Variants in FAAP100 observed in about 807,000 individuals in gnomAD.
FAAP100 encodes the protein Fanconi anemia core complex-associated protein 100.
In FAAP100, 46 loss-of-function variants were observed where a neutral mutation model predicts 65.8. That is an observed-to-expected ratio of 0.70 (90% CI 0.55 to 0.89). The LOEUF is 0.89. FAAP100 is among the 40% of genes least tolerant of loss of function. FAAP100 has a pLI of 0.00. For missense variants in FAAP100, 1,165 were observed against 1,196.7 expected (o/e 0.97, Z 0.39); for synonymous variants, 663 against 555.1 (o/e 1.19, Z -2.73).
chr17:81,541,430 GC>G (rs1568089869), intron 7 of FAAP100, 35 bp from the exon 8 acceptor site: 3 of 1,549,272 alleles, frequency 1.9e-6, no homozygotes, highest in African/African-American at 1.4e-5. Flanking sequence ...GAGAGGGTGT[GC>G]CCCAGCACCT....
rs2033322215 is a variant in FAAP100, at chr17:81,546,949, C to T, written c.2133G>A (p.Ser711=). 2.7e-6 allele frequency: 4 copies of T among 1,460,790 alleles called. No homozygotes were observed. Among genetic ancestry groups the T allele is most frequent in the South Asian group, 1.4e-5 (1 of 69,092 alleles). The allele number at this position is 1,460,790 out of a possible 1,614,324, so 90.5% of individuals were successfully genotyped here. Reference sequence around the variant, plus strand: ...TCAAGGCAGCTCTGAGCAGCTCCGCCGACACCTTGATGGAAGCCACAGATG... The same window carrying T: ...TCAAGGCAGCTCTGAGCAGCTCCGCTGACACCTTGATGGAAGCCACAGATG... ...LPPSVASIKV[S]AELLRAALKD... The change falls in exon 5 of 9, where the codon TCG becomes TCA. Residue 711 remains serine (S), a synonymous_variant. Coordinates refer to ENST00000327787, the MANE Select transcript of FAAP100 (RefSeq NM_025161.6).
At chr17:81,548,226 T>C (rs1445270671) in intron 4 of FAAP100, 1 of 568,550 alleles carries the variant, frequency 1.8e-6, no homozygotes, top group Non-Finnish European at 3.1e-6. Flanking sequence ...ACTCAGTGTG[T>C]TCTCTCTGAA....
chr17:81,549,171 GC>G, intron 4 of FAAP100, 34 bp downstream of exon 4: 1 of 1,589,828 alleles, frequency 6.3e-7, no homozygotes. Flanking sequence ...GGATGGCAGC[GC>G]CAGCCTCTAC....
chr17:81,550,722 G>A lies in FAAP100; in HGVS notation c.772C>T (p.Leu258=). 6.2e-7 allele frequency: 1 copy of A among 1,612,798 alleles called. No individual in the cohort carries two copies. The highest frequency in any genetic ancestry group is 8.5e-7 in the Non-Finnish European group (1 of 1,179,880). Residue 258 remains leucine (L), a synonymous_variant, in exon 3 of 9, where the codon CTG becomes TTG. Transcript: ENST00000327787. The stretch of plus-strand genomic sequence containing the variant: ...CCAGGGGCTGACCTGGAGGTGACCA[G>A]GGCCTTCAGGATCACACAGCAGAGC... ...GQLCCVILKA[L]VTSRSAPGDP...
In FAAP100 at chr17:81,550,197, A is replaced by G. The variant is rs1282797179; in HGVS notation, c.1246+51T>C. 13 of 1,493,178 alleles carry G rather than the reference A, an allele frequency of 8.7e-6. No homozygotes were observed. The South Asian group carries it at 1.4e-4, about 16-fold the overall frequency. The allele number at this position is 1,493,178 out of a possible 1,614,324, so 92.5% of individuals were successfully genotyped here. A position where few individuals can be genotyped will look rare whatever the true frequency, so the allele number is the denominator to read the frequency against. ...GCCTGATAGTAGCAGACAGCCAAAA[A>G]GGGTGCTCCACCCTGGGCTCCCATC... On this transcript the variant is annotated intron_variant, in intron 3 of 8. Transcript: ENST00000327787.
intron 4 of FAAP100, 127 bp from the exon 5 acceptor site, chr17:81,547,805 C>CACCGGTGGGTGTGGA: frequency 8.1e-7 from 1 of 1,228,728 alleles, no homozygotes; most frequent in Non-Finnish European, 1.2e-6. Flanking sequence ...TGTGGAGCCA[C>CACCGGTGGGTGTGGA]GCCAGAGAGT....
Position 81,544,099 on chromosome 17 carries a change from G to A in FAAP100, c.2332C>T (p.Pro778Ser), listed in dbSNP as rs749796268. ...VREVAMTDLC[P>S]AGPIQAVEIQ... is the part of the protein sequence containing the mutation. ...TCCACGGCCTGGATGGGCCCTGCTG[G>A]GCACAGGTCAGTCATGGCCACCTGC... Residue 778 changes from proline (P) to serine (S), a missense_variant, in exon 7 of 9, where the codon CCA becomes TCA. Transcript: ENST00000327787. 1.2e-5 allele frequency: 20 copies of A among 1,612,346 alleles called. No individual in the cohort carries two copies. In the South Asian group the frequency reaches 1.8e-4, roughly 14 times the overall value.
chr17:81,541,213 G>A, intron 8 of FAAP100, 96 bp downstream of exon 8: 1 of 1,353,068 alleles, frequency 7.4e-7, no homozygotes, highest in South Asian at 1.2e-5. Context: ...TGCGCTGTGA[G>A]GACTCTGCGG....
rs1450732739 is a variant in FAAP100, at chr17:81,551,184, T to C, written c.310A>G (p.Arg104Gly). Residue 104 changes from arginine to glycine, a missense_variant, in exon 3 of 9, where the codon AGG becomes GGG. Physicochemically the swap from Arg to Gly is moderately radical, Grantham distance 125. Coordinates refer to ENST00000327787, the MANE Select transcript of FAAP100 (RefSeq NM_025161.6). ...GGCTGGTCACCGTCCTCGCTGTCCC[T>C]GTCATCCTGGCTCGTAGACCTTTGA... ...GRSRSTSQDD[R>G]DSEDGDQPSP... 5 of 1,528,596 alleles carry C rather than the reference T, an allele frequency of 3.3e-6. No individual in the cohort carries two copies. The Admixed American group carries it at 1.0e-4, about 30-fold the overall frequency. The allele number at this position is 1,528,596 out of a possible 1,614,324, so 94.7% of individuals were successfully genotyped here.
chr17:81,547,588 T>G lies in FAAP100; in HGVS notation c.1494A>C (p.Ser498=). The G allele has an allele frequency of 6.2e-7, 1 of 1,613,546 alleles. No individual in the cohort carries two copies. The highest frequency in any genetic ancestry group is 8.5e-7 in the Non-Finnish European group (1 of 1,180,014). ...AGATGGGTCTGGGGCCCGTGCCGCT[T>G]GACAGCAGTGCACAGCTCACGTTCA... is the stretch of plus-strand genomic sequence containing the variant. ...EAMNVSCALL[S]SGTGPRPISC... The change falls in exon 5 of 9, where the codon TCA becomes TCC. Residue 498 remains serine (S), a synonymous_variant. Coordinates refer to ENST00000327787, the MANE Select transcript of FAAP100 (RefSeq NM_025161.6).
rs370765135 is a variant in FAAP100, at chr17:81,547,128, A to C, written c.1954T>G (p.Cys652Gly). 1.1e-5 allele frequency: 17 copies of C among 1,529,864 alleles called. No individual in the cohort carries two copies. Among genetic ancestry groups the C allele is most frequent in the Non-Finnish European group, 1.5e-5 (17 of 1,137,786 alleles). 94.8% of individuals were successfully genotyped at this position (1,529,864 alleles called of 1,614,324 possible). The change falls in exon 5 of 9, where the codon TGT becomes GGT. Residue 652 changes from cysteine (C) to glycine (G), a missense_variant. Cys to Gly is a radical substitution (Grantham distance 159, BLOSUM62 -3). Coordinates refer to ENST00000327787, the MANE Select transcript of FAAP100 (RefSeq NM_025161.6). ...GGGGCCAGGCCAGGGAAGCGCAGAC[A>C]CTGCAGCATGTCCACTGTGTGCCTG... ...LSRHTVDMLQ[C>G]LRFPGLAPPH...
At chr17:81,542,486 A>T (rs2033152002) in intron 7 of FAAP100, among the ~76,000 whole-genome samples, 1 of 152,166 alleles carries the variant, frequency 6.6e-6, no homozygotes, top group Non-Finnish European at 1.5e-5. Flanking sequence ...CCTGAGGGGC[A>T]GCACTGGCCT....
chr17:81,542,024 G>A (rs2033113693), intron 7 of FAAP100, among the ~76,000 whole-genome samples: 1 of 150,720 alleles, frequency 6.6e-6, no homozygotes, highest in South Asian at 2.1e-4. Flanking sequence ...AAAATTAGCC[G>A]GGCGTAGTGG....
chr17:81,549,053 A>G (rs1331211708), intron 4 of FAAP100, among the ~76,000 whole-genome samples, 153 bp downstream of exon 4: 1 of 20,552 alleles, frequency 4.9e-5, no homozygotes, highest in Non-Finnish European at 1.7e-4. Context: ...AAAAAAAAAA[A>G]AAAAAAAAAA....
At position 81,552,228 on chromosome 17, in the gene FAAP100, C is replaced by A; in HGVS notation, c.103G>T (p.Val35Phe). The A allele has an allele frequency of 5.3e-6, 8 of 1,497,882 alleles. No individual in the cohort carries two copies. Among genetic ancestry groups the A allele is most frequent in the Non-Finnish European group, 7.1e-6 (8 of 1,130,426 alleles). The allele number at this position is 1,497,882 out of a possible 1,614,324, so 92.8% of individuals were successfully genotyped here. A position where few individuals can be genotyped will look rare whatever the true frequency, so the allele number is the denominator to read the frequency against. The change falls in exon 1 of 9, where the codon GTC becomes TTC. Residue 35 changes from valine (V) to phenylalanine (F), a missense_variant. Val to Phe is a conservative substitution (Grantham distance 50). Transcript: ENST00000327787. Reference sequence around the variant, plus strand: ...AGCTCGCTCCCGGTGGACAGGAAGACCTCTGCCTCATGGCACAGCACGCGG... The same window carrying A: ...AGCTCGCTCCCGGTGGACAGGAAGAACTCTGCCTCATGGCACAGCACGCGG... ...KPRVLCHEAE[V>F]FLSTGSELVY...
At chr17:81,549,062 A>G in intron 4 of FAAP100, 144 bp downstream of exon 4, 1 of 667,270 alleles carries the variant, frequency 1.5e-6, no homozygotes, top group Non-Finnish European at 2.2e-6. Context: ...AAAAAAAAAA[A>G]AAAAAAAAAA....
intron 4 of FAAP100, chr17:81,548,141 A>T (rs911858487): frequency 1.3e-5 from 8 of 598,338 alleles, no homozygotes; most frequent in Non-Finnish European, 2.4e-5. Flanking sequence ...CCTAAACCAC[A>T]GGGACCCGGA....
rs182511071 is a variant in FAAP100 at position 81,540,154 on chromosome 17, T to G, written c.*665A>C. On this transcript the variant is annotated 3_prime_UTR_variant, in exon 9 of 9. Coordinates refer to ENST00000327787, the MANE Select transcript of FAAP100 (RefSeq NM_025161.6). ...GGGTACTGCCCCGGCTGGAGGCACCTAGTTGTTGAGCATTCCGGCCACAGG... is the reference window on the plus strand; with the variant it reads ...GGGTACTGCCCCGGCTGGAGGCACCGAGTTGTTGAGCATTCCGGCCACAGG... 4.8e-5 allele frequency: 19 copies of G among 398,650 alleles called. No individual in the cohort carries two copies. In the Admixed American group the frequency reaches 5.3e-4, roughly 11 times the overall value. The allele number at this position is 398,650 out of a possible 1,614,324, so 24.7% of individuals were successfully genotyped here. A position where few individuals can be genotyped will look rare whatever the true frequency, so the allele number is the denominator to read the frequency against.
intron 7 of FAAP100, 22 bp from the exon 8 acceptor site, chr17:81,541,417 C>T: frequency 6.3e-7 from 1 of 1,578,566 alleles, no homozygotes; most frequent in Non-Finnish European, 8.7e-7. Flanking sequence ...AGGAGACATG[C>T]TGGAGAGGGT....
Sources: gnomAD v4.1 joint callset for allele counts (sites outside exome capture counted in the v4.1 genomes callset) on GRCh38, gnomAD v4.1.1 for gene constraint, MANE v1.5 for transcripts, NCBI Gene and HGNC (gene_info 2026-07-23, HGNC 2026-07-21) for gene names.